The following CDK8 variants were observed in gnomAD, a reference collection of about 807,000 sequenced individuals.
The protein encoded by CDK8 is cyclin-dependent kinase 8.
CDK8 carries 29 observed loss-of-function variants against 71.5 expected under a neutral mutation model. The ratio of observed to expected loss-of-function variants is 0.41; its 90% CI spans 0.30 to 0.55. The LOEUF is 0.55. Among genes scored for constraint, CDK8 ranks in the 20% least tolerant of loss-of-function variants. The pLI is 0.37. For missense variants in CDK8, 288 were observed against 572.6 expected (o/e 0.50, Z 5.07); for synonymous variants, 161 against 192.1 (o/e 0.84, Z 1.34).
At chr13:26,381,592 G>A (rs1468424560) in intron 4 of CDK8, among the ~76,000 whole-genome samples, 1 of 152,090 alleles carries the variant, frequency 6.6e-6, no homozygotes, top group Non-Finnish European at 1.5e-5. Flanking sequence ...TAGGAAGGGA[G>A]CCCCAGACTA....
chr13:26,265,395 A>C (rs1040954093), intron 1 of CDK8, among the ~76,000 whole-genome samples: 5 of 152,194 alleles, frequency 3.3e-5, no homozygotes, highest in Admixed American at 3.3e-4. Context: ...GAGCTCAAGT[A>C]TATTTCACTT....
In CDK8 at chr13:26,354,425, C is replaced by G. The variant is rs538864842; in HGVS notation, c.456+545C>G. On this transcript the variant is annotated intron_variant, in intron 4 of 12. Transcript: ENST00000381527. ...AGAATTTAAAAACTTAAGAAACTGA[C>G]TTTTTAATTTTACGTTGCAAAGTCA... 2.0e-5 allele frequency among the ~76,000 whole-genome samples: 3 copies of G among 152,284 alleles called. No homozygotes were observed. In the East Asian group the frequency reaches 5.8e-4, roughly 29 times the overall value.
At chr13:26,301,212 C>CTTTTTTT (rs36054795) in intron 1 of CDK8, among the ~76,000 whole-genome samples, 1 of 92,904 alleles carries the variant, frequency 1.1e-5, no homozygotes, top group Non-Finnish European at 2.1e-5. Flanking sequence ...TATCAGTAGA[C>CTTTTTTT]TTTTTTTTTT....
Position 26,337,584 on chromosome 13 carries a change from A to G in CDK8, c.146A>G (p.Tyr49Cys). ...KRKDGKDDKD[Y>C]ALKQIEGTGI... is the part of the protein sequence containing the mutation. The stretch of plus-strand genomic sequence containing the variant: ...TTTTACAGGAAGGATGATAAAGACT[A>G]TGCTTTAAAACAAATAGAAGGAACT... Residue 49 changes from tyrosine (Y) to cysteine (C), a missense_variant, in exon 2 of 13, where the codon TAT becomes TGT. Physicochemically the swap from Tyr to Cys is radical, Grantham distance 194. Coordinates refer to ENST00000381527, the MANE Select transcript of CDK8 (RefSeq NM_001260.3). The G allele has an allele frequency of 6.9e-7, 1 of 1,454,724 alleles. No homozygotes were observed. The highest frequency in any genetic ancestry group is 9.1e-7 in the Non-Finnish European group (1 of 1,097,892). The allele number at this position is 1,454,724 out of a possible 1,614,324, so 90.1% of individuals were successfully genotyped here.
intron 6 of CDK8, among the ~76,000 whole-genome samples, chr13:26,391,773 A>G (rs775591753): frequency 5.3e-5 from 8 of 152,228 alleles, no homozygotes; most frequent in Non-Finnish European, 1.2e-4. Context: ...TGGTTCTCTG[A>G]TATGTAAATA....
chr13:26,332,407 C>A (rs1161779704), intron 1 of CDK8, among the ~76,000 whole-genome samples: 1 of 151,820 alleles, frequency 6.6e-6, no homozygotes, highest in African/African-American at 2.4e-5. Flanking sequence ...ATCACTTGAA[C>A]CCAGGAGGCG....
chr13:26,354,715 A>G (rs1873821176), intron 4 of CDK8, among the ~76,000 whole-genome samples: 1 of 152,208 alleles, frequency 6.6e-6, no homozygotes, highest in South Asian at 2.1e-4. Flanking sequence ...GAGGTGGTAC[A>G]GTTTCATACT....
chr13:26,277,726 G>A (rs1023707670), intron 1 of CDK8, among the ~76,000 whole-genome samples: 1 of 152,142 alleles, frequency 6.6e-6, no homozygotes, highest in African/African-American at 2.4e-5. Flanking sequence ...GTTGAAATAA[G>A]ACAGTTGGAT....
intron 1 of CDK8, among the ~76,000 whole-genome samples, chr13:26,258,492 G>GGTGTGTGTGTGTGTGT (rs56993639): frequency 1.4e-5 from 2 of 147,424 alleles, no homozygotes; most frequent in African/African-American, 2.5e-5. Flanking sequence ...TATCTAGAGG[G>GGTGTGTGTGTGTGTGT]GTGTGTGTGT....
chr13:26,396,046 A>C (rs549432377), intron 7 of CDK8, among the ~76,000 whole-genome samples: 17 of 152,316 alleles, frequency 1.1e-4, no homozygotes, highest in Admixed American at 3.3e-4. Context: ...ATAGTAAAAC[A>C]TACAGAAAGT....
intron 6 of CDK8, among the ~76,000 whole-genome samples, chr13:26,392,127 G>A (rs1347495411): frequency 6.6e-6 from 1 of 152,110 alleles, no homozygotes; most frequent in Admixed American, 6.5e-5. Flanking sequence ...GATTTGTTAA[G>A]AGTAGAAATG....
rs117977069 is a variant in CDK8, at chr13:26,265,040, C to G, written c.128+10271C>G. 4.1e-3 allele frequency among the ~76,000 whole-genome samples: 625 copies of G among 152,238 alleles called. 3 individuals carry two copies. Among genetic ancestry groups the G allele is most frequent in the Non-Finnish European group, 5.5e-3 (373 of 68,018 alleles). ...TGTAAATAGTGTTGCCATAAACATG[C>G]GAGTGTAGGTATCCCCTTGATATAC... On this transcript the variant is annotated intron_variant, in intron 1 of 12. Coordinates refer to ENST00000381527, the MANE Select transcript of CDK8 (RefSeq NM_001260.3).
Position 26,281,560 on chromosome 13 carries a change from A to G in CDK8, c.128+26791A>G, listed in dbSNP as rs557967356. On this transcript the variant is annotated intron_variant, in intron 1 of 12. Coordinates refer to ENST00000381527, the MANE Select transcript of CDK8 (RefSeq NM_001260.3). ...GAATCAGAAAAGTAATTCTGGTAAT[A>G]TGACAAGGTAATAAAACAAGGTTCT... Among the ~76,000 whole-genome samples the G allele has an allele frequency of 4.6e-5, 7 of 152,338 alleles. No individual in the cohort carries two copies. The South Asian group carries it at 1.5e-3, about 32-fold the overall frequency.
intron 4 of CDK8, among the ~76,000 whole-genome samples, chr13:26,364,890 A>T (rs904913184): frequency 6.6e-6 from 1 of 152,188 alleles, no homozygotes; most frequent in Non-Finnish European, 1.5e-5. Flanking sequence ...GTAGTCATGG[A>T]ACAGTGGGAA....
intron 1 of CDK8, among the ~76,000 whole-genome samples, chr13:26,331,137 C>T (rs974990563): frequency 6.6e-6 from 1 of 152,156 alleles, no homozygotes; most frequent in African/African-American, 2.4e-5. Context: ...GAATGCCATC[C>T]TCACCGGGGT....
At chr13:26,359,071 T>C in intron 4 of CDK8, 1 of 284,992 alleles carries the variant, frequency 3.5e-6, no homozygotes, top group Admixed American at 4.4e-5. Flanking sequence ...AAAATTGACA[T>C]ATGTACAAGG....
At chr13:26,353,501 T>A (rs1364215516) in intron 3 of CDK8, among the ~76,000 whole-genome samples, 1 of 152,192 alleles carries the variant, frequency 6.6e-6, no homozygotes, top group African/African-American at 2.4e-5. Context: ...CAATATTTTC[T>A]GATTCCCTAT....
At chr13:26,380,290 C>T (rs1246470678) in intron 4 of CDK8, among the ~76,000 whole-genome samples, 3 of 151,820 alleles carry the variant, frequency 2.0e-5, no homozygotes, top group Non-Finnish European at 4.4e-5. Context: ...AGTGATTCTC[C>T]TGCCTCAGCC....
At chr13:26,371,458 C>T (rs1295735068) in intron 4 of CDK8, among the ~76,000 whole-genome samples, 1 of 152,096 alleles carries the variant, frequency 6.6e-6, no homozygotes, top group Non-Finnish European at 1.5e-5. Flanking sequence ...TCTCCTGTGT[C>T]TCTTGGAATA....
Sources: allele counts gnomAD v4.1 joint callset (sites outside exome capture counted in the v4.1 genomes callset), GRCh38; gene constraint gnomAD v4.1.1; transcripts MANE v1.5; gene names NCBI Gene and HGNC (gene_info 2026-07-23, HGNC 2026-07-21).